The following ADAMTS8 variants were observed in gnomAD, a reference collection of about 807,000 sequenced individuals.
ADAMTS8 encodes the protein ADAM metallopeptidase with thrombospondin type 1 motif 8.
A neutral mutation model predicts 64.4 loss-of-function variants in ADAMTS8; 50 were observed. The ratio of observed to expected loss-of-function variants is 0.78; its 90% CI spans 0.62 to 0.98. The LOEUF is 0.98. Among genes scored for constraint, ADAMTS8 ranks in the 50% least tolerant of loss-of-function variants. The probability of loss-of-function intolerance (pLI) is 0.00; values close to 1 mark genes in which losing one functional copy is unlikely to be tolerated. For missense variants in ADAMTS8, 1,192 were observed against 1,208.2 expected (o/e 0.99, Z 0.20); for synonymous variants, 556 against 533.6 (o/e 1.04, Z -0.58).
In ADAMTS8 at chr11:130,405,260, C is replaced by T. The variant is rs540996572; in HGVS notation, c.*298G>A. ...TGCTAGTCCTTTGCAAACAGACTGA[C>T]GCTGAGTGTCCTGTCTGAGTCAATA... On this transcript the variant is annotated 3_prime_UTR_variant, in exon 9 of 9. Transcript: ENST00000257359. 32 of 1,180,842 alleles carry T rather than the reference C, an allele frequency of 2.7e-5. No individual in the cohort carries two copies. Among genetic ancestry groups the T allele is most frequent in the Admixed American group, 1.7e-4 (4 of 24,120 alleles). The allele number at this position is 1,180,842 out of a possible 1,614,324, so 73.1% of individuals were successfully genotyped here. A position where few individuals can be genotyped will look rare whatever the true frequency, so the allele number is the denominator to read the frequency against.
At chr11:130,417,994 T>C (rs1862048842) in intron 2 of ADAMTS8, among the ~76,000 whole-genome samples, 1 of 133,700 alleles carries the variant, frequency 7.5e-6, no homozygotes, top group East Asian at 2.3e-4. Flanking sequence ...TGAAACCCCA[T>C]TCCTACAAAA....
chr11:130,405,855 C>T lies in ADAMTS8; in HGVS notation c.2373G>A (p.Leu791=). 1.2e-6 allele frequency: 2 copies of T among 1,614,062 alleles called. No homozygotes were observed. The highest frequency in any genetic ancestry group is 1.7e-6 in the Non-Finnish European group (2 of 1,180,046). Reference sequence around the variant, plus strand: ...GGGGGAAGACCTCGCCAGGGACTGTCAGGAGCTGCACTGTCAGAGGCTCTG... The same window carrying T: ...GGGGGAAGACCTCGCCAGGGACTGTTAGGAGCTGCACTGTCAGAGGCTCTG... ...PLPEPLTVQL[L]TVPGEVFPPK... is the part of the protein sequence containing the mutation. The change falls in exon 9 of 9, where the codon CTG becomes CTA. Residue 791 remains leucine, a synonymous_variant. Transcript: ENST00000257359.
In ADAMTS8 at chr11:130,411,283, C is replaced by G. The variant is rs1861948075; in HGVS notation, c.1750+134G>C. ...GGCAAAACTCTACATCCCAGGAGAC[C>G]CAATTTACTCCCCTCTGGGAGTAAC... On this transcript the variant is annotated intron_variant, in intron 6 of 8. Coordinates refer to ENST00000257359, the MANE Select transcript of ADAMTS8 (RefSeq NM_007037.6). The surrounding 1 kb of genome is among the most constrained non-coding windows in gnomAD (Gnocchi z 4.2). 18 of 1,107,970 alleles carry G rather than the reference C, an allele frequency of 1.6e-5. No individual in the cohort carries two copies. Among genetic ancestry groups the G allele is most frequent in the Non-Finnish European group, 2.3e-5 (18 of 785,544 alleles). 68.6% of individuals were successfully genotyped at this position (1,107,970 alleles called of 1,614,324 possible).
chr11:130,425,848 A>G (rs1056450569), intron 1 of ADAMTS8, among the ~76,000 whole-genome samples: 108 of 151,484 alleles, frequency 7.1e-4, no homozygotes, highest in Non-Finnish European at 7.4e-4. Context: ...CGATCTGCCC[A>G]CCTCGGCCTC....
chr11:130,427,271 TGCC>T (rs1862178881), intron 1 of ADAMTS8, among the ~76,000 whole-genome samples: 5 of 152,128 alleles, frequency 3.3e-5, no homozygotes, highest in African/African-American at 1.2e-4. Flanking sequence ...GTGCGCCACG[TGCC>T]GCGGGAGATT....
chr11:130,427,854 C>A lies in ADAMTS8; in HGVS notation c.433G>T (p.Ala145Ser). The A allele has an allele frequency of 6.5e-7, 1 of 1,537,534 alleles. No individual in the cohort carries two copies. Among genetic ancestry groups the A allele is most frequent in the Non-Finnish European group, 8.7e-7 (1 of 1,146,128 alleles). ...IQPQGAGGSL[A>S]QPHRLQRWGP... ...CAGCGCTGCAGGCGGTGCGGCTGAG[C>A]CAGGGAGCCCCCCGCGCCCTGCGGC... is the stretch of plus-strand genomic sequence containing the variant. The change falls in exon 1 of 9, where the codon GCT (alanine) becomes TCT (serine). Residue 145 changes from alanine to serine, a missense_variant. Ala to Ser is a moderately conservative substitution (Grantham distance 99, BLOSUM62 1). Transcript: ENST00000257359.
intron 2 of ADAMTS8, among the ~76,000 whole-genome samples, chr11:130,418,374 G>T (rs1862055381): frequency 6.6e-6 from 1 of 151,874 alleles, no homozygotes; most frequent in South Asian, 2.1e-4. Flanking sequence ...TGCATCCTAG[G>T]GCTGGCTGGG....
chr11:130,416,182 C>A lies in ADAMTS8; in HGVS notation c.1245G>T (p.Glu415Asp). Reference protein sequence around the residue: ...WSPCSAMYLTELLDGGHGDCL... With the variant: ...WSPCSAMYLTDLLDGGHGDCL... The stretch of plus-strand genomic sequence containing the variant: ...GCCTACCGTGCCCGCCGTCCAGAAG[C>A]TCTGTGAGATACATGGCGCTGCAGG... Residue 415 changes from glutamate (E) to aspartate (D), a missense_variant, in exon 4 of 9, where the codon GAG (glutamate) becomes GAT (aspartate). This residue lies in a region of ADAMTS8 where 741 missense variants were observed against 710.6 expected (regional missense o/e 1.04). Coordinates refer to ENST00000257359, the MANE Select transcript of ADAMTS8 (RefSeq NM_007037.6). The surrounding 1 kb of genome is among the most constrained non-coding windows in gnomAD (Gnocchi z 4.8). 1 of 1,592,902 alleles carries A rather than the reference C, an allele frequency of 6.3e-7. No individual in the cohort carries two copies.
Position 130,428,293 on chromosome 11 carries a change from TGCGGCGGTGGCTGC to T in ADAMTS8, c.-21_-8del, listed in dbSNP as rs1173242816. ...CGGCGGGGGCGGGGAGCATGGGGGC[TGCGGCGGTGGCTGC>T]GCGCAGGAGAGGGAAGAAGCCCGCC... On this transcript the variant is annotated 5_prime_UTR_variant, in exon 1 of 9. Coordinates refer to ENST00000257359, the MANE Select transcript of ADAMTS8 (RefSeq NM_007037.6). 1 of 1,240,692 alleles carries T rather than the reference TGCGGCGGTGGCTGC, an allele frequency of 8.1e-7. No homozygotes were observed. Among genetic ancestry groups the T allele is most frequent in the South Asian group, 2.3e-5 (1 of 43,640 alleles). 76.9% of individuals were successfully genotyped at this position (1,240,692 alleles called of 1,614,324 possible). A position where few individuals can be genotyped will look rare whatever the true frequency, so the allele number is the denominator to read the frequency against.
Position 130,414,643 on chromosome 11 carries a change from A to C in ADAMTS8, c.1454T>G (p.Leu485Arg). ...LWCHTDGAEP[L>R]CHTKNGSLPW... ...CAGGCTGCCATTCTTCGTGTGGCAC[A>C]GGGGCTCAGCCCCATCAGTGTGGCA... The change falls in exon 5 of 9, where the codon CTG becomes CGG. Residue 485 changes from leucine (L) to arginine (R), a missense_variant. This residue lies in a region of ADAMTS8 where 741 missense variants were observed against 710.6 expected (regional missense o/e 1.04). Coordinates refer to ENST00000257359, the MANE Select transcript of ADAMTS8 (RefSeq NM_007037.6). The C allele has an allele frequency of 1.9e-6, 3 of 1,613,730 alleles. No homozygotes were observed. The highest frequency in any genetic ancestry group is 1.7e-6 in the Non-Finnish European group (2 of 1,180,034).
At chr11:130,420,779 A>G (rs1378998196) in intron 1 of ADAMTS8, among the ~76,000 whole-genome samples, 3 of 152,154 alleles carry the variant, frequency 2.0e-5, no homozygotes, top group Non-Finnish European at 4.4e-5. Context: ...TGATGTAAAC[A>G]TCTTATCAAC....
In ADAMTS8 at chr11:130,427,795, T is replaced by G; in HGVS notation, c.492A>C (p.Gly164=). ...CTCCCGTCTCCACCTCCCACTCGGG[T>G]CCTCGCGGGAGGGGGCGGGCTCCGG... ...GPAGARPLPR[G]PEWEVETGEG... Residue 164 remains glycine, a synonymous_variant, in exon 1 of 9, where the codon GGA becomes GGC. Transcript: ENST00000257359. The G allele has an allele frequency of 4.4e-6, 7 of 1,581,564 alleles. No homozygotes were observed. The highest frequency in any genetic ancestry group is 6.0e-6 in the Non-Finnish European group (7 of 1,165,140).
intron 1 of ADAMTS8, among the ~76,000 whole-genome samples, chr11:130,426,044 C>A (rs1862162348): frequency 6.6e-6 from 1 of 152,110 alleles, no homozygotes; most frequent in Non-Finnish European, 1.5e-5. Flanking sequence ...GGCTGGTGCT[C>A]CCACCGCTCC....
chr11:130,411,490 C>T lies in ADAMTS8; in HGVS notation c.1677G>A (p.Gln559=). The change falls in exon 6 of 9, where the codon CAG becomes CAA. Residue 559 remains glutamine (Q), a synonymous_variant. Coordinates refer to ENST00000257359, the MANE Select transcript of ADAMTS8 (RefSeq NM_007037.6). The surrounding 1 kb of genome is among the most constrained non-coding windows in gnomAD (Gnocchi z 4.2). The stretch of plus-strand genomic sequence containing the variant: ...GACCCAGGCAGTATCTTCCTCCATT[C>T]TGAGGCTCGGGGTCCTTGCACTCAC... ...SHRECKDPEP[Q]NGGRYCLGRR... 3 of 1,614,214 alleles carry T rather than the reference C, an allele frequency of 1.9e-6. No homozygotes were observed. The South Asian group carries it at 3.3e-5, about 18-fold the overall frequency.
chr11:130,411,658 G>T lies in ADAMTS8; in HGVS notation c.1567-58C>A. The stretch of plus-strand genomic sequence containing the variant: ...CAAAGGCCAGGAGGCTTCAGTATCT[G>T]TGTCACTGGGTGGCCAATGCCCTGG... On this transcript the variant is annotated intron_variant, in intron 5 of 8. Transcript: ENST00000257359. The surrounding 1 kb of genome is among the most constrained non-coding windows in gnomAD (Gnocchi z 4.2). 1.9e-6 allele frequency: 3 copies of T among 1,564,190 alleles called. No individual in the cohort carries two copies. Among genetic ancestry groups the T allele is most frequent in the Non-Finnish European group, 2.6e-6 (3 of 1,144,610 alleles).
chr11:130,425,622 A>G (rs934337614), intron 1 of ADAMTS8, among the ~76,000 whole-genome samples: 3 of 141,244 alleles, frequency 2.1e-5, no homozygotes, highest in African/African-American at 8.2e-5. Context: ...TTTTTTTAAG[A>G]TGGAGTCTTG....
Position 130,416,308 on chromosome 11 carries a change from G to C in ADAMTS8, c.1119C>G (p.His373Gln). 1.9e-6 allele frequency: 3 copies of C among 1,569,962 alleles called. No individual in the cohort carries two copies. Among genetic ancestry groups the C allele is most frequent in the Non-Finnish European group, 2.6e-6 (3 of 1,157,986 alleles). ...HELGHVLSMP[H>Q]DDSKPCTRLF... is the part of the protein sequence containing the mutation. The stretch of plus-strand genomic sequence containing the variant: ...GCCGTGTGCAGGGCTTGGAGTCGTC[G>C]TGGGGCATGCTGAGGACGTGCCCTG... The change falls in exon 4 of 9, where the codon CAC becomes CAG. Residue 373 changes from histidine to glutamine, a missense_variant. His to Gln is a conservative substitution (Grantham distance 24). Around this residue, in one of 5 missense-constraint regions of ADAMTS8, gnomAD observed 741 missense variants for 710.6 expected, o/e 1.04. Transcript: ENST00000257359. This position sits in a 1 kb window ranked among gnomAD's most constrained non-coding sequence, Gnocchi z 4.8.
At position 130,411,725 on chromosome 11, in the gene ADAMTS8, G is replaced by A. The variant is rs557904364; in HGVS notation, c.1567-125C>T. 24 of 950,842 alleles carry A rather than the reference G, an allele frequency of 2.5e-5. 1 individual carries two copies. The highest frequency in any genetic ancestry group is 5.1e-5 in the Admixed American group (2 of 39,150). The allele number at this position is 950,842 out of a possible 1,614,324, so 58.9% of individuals were successfully genotyped here. A position where few individuals can be genotyped will look rare whatever the true frequency, so the allele number is the denominator to read the frequency against. On this transcript the variant is annotated intron_variant, in intron 5 of 8. Coordinates refer to ENST00000257359, the MANE Select transcript of ADAMTS8 (RefSeq NM_007037.6). The surrounding 1 kb of genome is among the most constrained non-coding windows in gnomAD (Gnocchi z 4.2). The stretch of plus-strand genomic sequence containing the variant: ...TTATCATCTTGGTGCATGGAGTGCC[G>A]TAAACTGCCTCAATCATTTGTTTAA...
chr11:130,409,061 G>T, intron 6 of ADAMTS8, 121 bp from the exon 7 acceptor site: 9 of 1,146,778 alleles, frequency 7.8e-6, no homozygotes, highest in Non-Finnish European at 1.1e-5. Flanking sequence ...CAACCCAGGC[G>T]CCCAGGGCCA....
Sources: allele counts gnomAD v4.1 joint callset (sites outside exome capture counted in the v4.1 genomes callset), GRCh38; gene constraint gnomAD v4.1.1; regional missense constraint gnomAD v4.1.1; non-coding constraint Gnocchi (gnomAD v3.1); transcripts MANE v1.5; gene names NCBI Gene and HGNC (gene_info 2026-07-23, HGNC 2026-07-21).